CLTRN: variants seen among roughly 807,000 people sequenced by gnomAD.
CLTRN encodes collectrin, amino acid transport regulator, also known as collectrin.
Under a neutral mutation model 14.5 loss-of-function variants are expected in CLTRN, and 12 were observed. The ratio of observed to expected loss-of-function variants is 0.83; its 90% confidence interval spans 0.53 to 1.34. The LOEUF (loss-of-function observed/expected upper bound fraction) is 1.34. CLTRN is among the 40% of genes most tolerant of loss of function. The pLI is 0.00. For missense variants in CLTRN, 154 were observed against 165.1 expected, an observed-to-expected ratio of 0.93 and a Z score of 0.37; for synonymous variants, 58 against 56.5, an observed-to-expected ratio of 1.03 and a Z score of -0.12.
In CLTRN at chrX:15,655,412, C is replaced by CA. The variant is rs201222241; in HGVS notation, c.203+3603dup. ...ACCTCTGCACTGCATCTTCCCCTGA[C>CA]ATGGGTGACACGCTGACTGATTTCC... On this transcript the variant is annotated intron_variant, in intron 3 of 5. Transcript: ENST00000380342. 5.7e-4 allele frequency among the ~76,000 whole-genome samples: 64 copies of CA among 111,814 alleles called. No individual in the cohort carries two copies. In the East Asian group the frequency reaches 0.016, roughly 28 times the overall value.
At chrX:15,636,055 T>A (rs192846531) in intron 5 of CLTRN, among the ~76,000 whole-genome samples, 91 of 111,798 alleles carry the variant, frequency 8.1e-4, no homozygotes, top group African/African-American at 2.6e-3. Flanking sequence ...ATAGCAAGTG[T>A]TGGTGAGGAT....
upstream of CLTRN, chrX:15,675,036 T>C (rs1037484784): frequency 1.8e-5 from 2 of 111,821 alleles, no homozygotes; most frequent in Non-Finnish European, 3.8e-5. Flanking sequence ...TTAGCCACGG[T>C]GGGAACGGCC....
At chrX:15,674,446 G>A (rs1929780727) in intron 1 of CLTRN, among the ~76,000 whole-genome samples, 1 of 111,850 alleles carries the variant, frequency 8.9e-6, no homozygotes, top group African/African-American at 3.3e-5. Flanking sequence ...CTTTAAATGG[G>A]CTGGAAGGAA....
chrX:15,667,546 G>T (rs1033618317), upstream of CLTRN, among the ~76,000 whole-genome samples: 2 of 112,569 alleles, frequency 1.8e-5, no homozygotes, highest in Non-Finnish European at 3.8e-5. Flanking sequence ...TTCCATCAGC[G>T]TCAACGAATG....
chrX:15,632,446 C>T lies in CLTRN; in HGVS notation c.513-4319G>A, dbSNP rs145345877. 4.3e-3 allele frequency among the ~76,000 whole-genome samples: 474 copies of T among 111,177 alleles called. 13 individuals carry two copies. The East Asian group carries it at 0.082, about 19-fold the overall frequency. ...TATAAAAATTAGCCGGGCGTGGTGG[C>T]GCATGCCTGTAGTCCCAGCTACTCG... On this transcript the variant is annotated intron_variant, in intron 5 of 5. Transcript: ENST00000380342.
At chrX:15,667,093 C>T (rs373857290), upstream of CLTRN, among the ~76,000 whole-genome samples, 248 of 110,861 alleles carry the variant, frequency 2.2e-3, 1 homozygote, top group African/African-American at 7.5e-3. Flanking sequence ...AATAATTAGC[C>T]GGGCGTGGTG....
intron 3 of CLTRN, among the ~76,000 whole-genome samples, chrX:15,651,590 T>C (rs778730886): frequency 1.8e-5 from 2 of 111,711 alleles, no homozygotes; most frequent in Non-Finnish European, 3.8e-5. Context: ...GCACCTGTTT[T>C]AATTTGATCA....
intron 4 of CLTRN, 25 bp from the exon 5 acceptor site, chrX:15,639,781 T>C: frequency 8.8e-7 from 1 of 1,141,250 alleles, no homozygotes; most frequent in Non-Finnish European, 1.2e-6. Context: ...TAATTAAAAA[T>C]AAACAAAATA....
At chrX:15,668,223 T>C (rs952008107), upstream of CLTRN, among the ~76,000 whole-genome samples, 1 of 110,658 alleles carries the variant, frequency 9.0e-6, no homozygotes, top group Non-Finnish European at 1.9e-5. Flanking sequence ...TAGGATGTTG[T>C]TTTTTCTCAC....
At chrX:15,640,773 A>G (rs907480816) in intron 4 of CLTRN, among the ~76,000 whole-genome samples, 2 of 112,677 alleles carry the variant, frequency 1.8e-5, no homozygotes, top group African/African-American at 6.5e-5. Context: ...AAAACTTATT[A>G]AATATCAAAT....
chrX:15,643,850 G>T (rs886310668), intron 4 of CLTRN, among the ~76,000 whole-genome samples: 13 of 112,181 alleles, frequency 1.2e-4, no homozygotes, highest in African/African-American at 3.2e-4. Flanking sequence ...ATTCCAGTAG[G>T]TATTTATCCT....
chrX:15,634,633 T>A (rs1928773206), intron 5 of CLTRN, among the ~76,000 whole-genome samples: 1 of 109,949 alleles, frequency 9.1e-6, no homozygotes, highest in South Asian at 3.9e-4. Flanking sequence ...TTCTGCTCCC[T>A]AATTGTTGCC....
chrX:15,656,568 T>C (rs900964081), intron 3 of CLTRN, among the ~76,000 whole-genome samples: 1 of 111,120 alleles, frequency 9.0e-6, no homozygotes, highest in African/African-American at 3.3e-5. Flanking sequence ...TCTGCCCACA[T>C]TGGCACCAAA....
At chrX:15,651,761 GA>G (rs929789169) in intron 3 of CLTRN, among the ~76,000 whole-genome samples, 6 of 111,464 alleles carry the variant, frequency 5.4e-5, no homozygotes, top group East Asian at 2.8e-4. Flanking sequence ...TGATTGGGGG[GA>G]AAAATGGATG....
intron 3 of CLTRN, 61 bp from the exon 4 acceptor site, chrX:15,645,090 G>A (rs757634131): frequency 2.8e-5 from 19 of 669,516 alleles, no homozygotes; most frequent in East Asian, 2.8e-4. Context: ...GCATTAAACC[G>A]TTCACTCTGA....
intron 3 of CLTRN, chrX:15,646,549 T>A: frequency 3.0e-6 from 1 of 332,898 alleles, no homozygotes; most frequent in Non-Finnish European, 5.9e-6. Context: ...AACTGCAAGG[T>A]CACCTACTTC....
intron 2 of CLTRN, 126 bp from the exon 3 acceptor site, chrX:15,659,227 C>T (rs937521732): frequency 6.0e-5 from 17 of 284,155 alleles, no homozygotes; most frequent in Admixed American, 2.3e-4. Flanking sequence ...CACACACACA[C>T]GTTTCTCATA....
At chrX:15,662,202 A>G (rs369915334) in intron 2 of CLTRN, among the ~76,000 whole-genome samples, 4 of 109,305 alleles carry the variant, frequency 3.7e-5, no homozygotes, top group East Asian at 5.7e-4. Context: ...ATTTTTCCCA[A>G]TGGTTTCCCT....
chrX:15,630,642 T>C (rs2147194305), intron 5 of CLTRN, among the ~76,000 whole-genome samples: 1 of 112,207 alleles, frequency 8.9e-6, no homozygotes, highest in South Asian at 3.7e-4. Flanking sequence ...TGCCACATTT[T>C]AAACATTTAT....
Sources: allele counts gnomAD v4.1 joint callset (sites outside exome capture counted in the v4.1 genomes callset), GRCh38; gene constraint gnomAD v4.1.1; transcripts MANE v1.5; gene names NCBI Gene and HGNC (gene_info 2026-07-23, HGNC 2026-07-21).